Variants in GATAD2B observed in about 807,000 individuals in gnomAD.
GATAD2B encodes transcriptional repressor p66-beta.
A neutral mutation model predicts 64.3 loss-of-function variants in GATAD2B; 8 were observed. The observed-to-expected ratio is 0.12, with a 90% CI of 0.07 to 0.22. GATAD2B has a LOEUF of 0.22. GATAD2B is among the 10% of genes least tolerant of loss of function. The pLI is 1.00. For missense variants in GATAD2B, 453 were observed against 752.0 expected (o/e 0.60, Z 4.65); for synonymous variants, 281 against 271.3 (o/e 1.04, Z -0.35).
chr1:153,880,299 T>C (rs1472908442), intron 1 of GATAD2B, among the ~76,000 whole-genome samples: 1 of 150,324 alleles, frequency 6.7e-6, no homozygotes, highest in African/African-American at 2.4e-5. Context: ...CTGTCTCTAC[T>C]AAAAAAAAAT....
In GATAD2B at chr1:153,808,185, A is replaced by G. The variant is rs1474172986; in HGVS notation, c.*1992T>C. ...AAAATACTCAAAAAACCCAATCACT[A>G]CCTGTTACTAGCATCTAGCTTCCAG... is the stretch of plus-strand genomic sequence containing the variant. On this transcript the variant is annotated 3_prime_UTR_variant, in exon 11 of 11. Coordinates refer to ENST00000368655, the MANE Select transcript of GATAD2B (RefSeq NM_020699.4). 2.0e-5 allele frequency: 3 copies of G among 152,482 alleles called. No individual in the cohort carries two copies. Among genetic ancestry groups the G allele is most frequent in the Non-Finnish European group, 4.4e-5 (3 of 68,004 alleles). The allele number at this position is 152,482 out of a possible 1,614,324, so 9.4% of individuals were successfully genotyped here.
chr1:153,866,008 C>T (rs534318588), intron 1 of GATAD2B, among the ~76,000 whole-genome samples: 173 of 152,166 alleles, frequency 1.1e-3, no homozygotes, highest in African/African-American at 3.9e-3. Flanking sequence ...AGTTCAAGAC[C>T]AGCCTGGCCA....
chr1:153,864,446 G>C (rs1676411855), intron 1 of GATAD2B, among the ~76,000 whole-genome samples: 1 of 152,136 alleles, frequency 6.6e-6, no homozygotes, highest in South Asian at 2.1e-4. Flanking sequence ...GGGAGACCTT[G>C]TCTCTACAAA....
chr1:153,869,184 T>G (rs1170061040), intron 1 of GATAD2B, among the ~76,000 whole-genome samples: 2 of 151,354 alleles, frequency 1.3e-5, no homozygotes, highest in Non-Finnish European at 2.9e-5. Context: ...CCCAGCTACT[T>G]GAGAGGCTGA....
intron 1 of GATAD2B, among the ~76,000 whole-genome samples, chr1:153,856,666 T>C (rs1224407417): frequency 6.6e-6 from 1 of 152,058 alleles, no homozygotes; most frequent in Non-Finnish European, 1.5e-5. Flanking sequence ...TCCCAGCACT[T>C]TGGGAAACTG....
rs1039024036 is a variant in GATAD2B, at chr1:153,852,812, C to CT, written c.-1-24465dup. ...TTCTGAACCATATCATATCCTTCAACTTTTTTTGCTTCTTTTTCTAGTTCT... is the reference window on the plus strand; with the variant it reads ...TTCTGAACCATATCATATCCTTCAACTTTTTTTTGCTTCTTTTTCTAGTTCT... On this transcript the variant is annotated intron_variant, in intron 1 of 10. Coordinates refer to ENST00000368655, the MANE Select transcript of GATAD2B (RefSeq NM_020699.4). 51 of 894,326 alleles carry CT rather than the reference C, an allele frequency of 5.7e-5. 1 individual carries two copies. The Middle Eastern group carries it at 6.8e-4, about 12-fold the overall frequency. The allele number at this position is 894,326 out of a possible 1,614,324, so 55.4% of individuals were successfully genotyped here. A position where few individuals can be genotyped will look rare whatever the true frequency, so the allele number is the denominator to read the frequency against.
chr1:153,856,522 AT>A (rs1176676713), intron 1 of GATAD2B, among the ~76,000 whole-genome samples: 4 of 152,226 alleles, frequency 2.6e-5, no homozygotes, highest in African/African-American at 9.6e-5. Flanking sequence ...ATATGCTTAA[AT>A]ATTTTCAATT....
rs1027925567 is a variant in GATAD2B, at chr1:153,811,902, G to A, written c.1531-54C>T. ...ACTTTGATATGATAGAATGTTAAGC[G>A]GGGGCAAAGATAAGGGAGTACAGAA... On this transcript the variant is annotated intron_variant, in intron 9 of 10. Transcript: ENST00000368655. 2.1e-5 allele frequency: 29 copies of A among 1,355,456 alleles called. No homozygotes were observed. In the Middle Eastern group the frequency reaches 6.4e-4, roughly 30 times the overall value. The allele number at this position is 1,355,456 out of a possible 1,614,324, so 84.0% of individuals were successfully genotyped here.
intron 1 of GATAD2B, among the ~76,000 whole-genome samples, chr1:153,846,811 G>A (rs1026409223): frequency 2.6e-5 from 4 of 151,164 alleles, no homozygotes; most frequent in Admixed American, 6.6e-5. Flanking sequence ...CACCTGCTGC[G>A]GCCTCCCCAA....
chr1:153,844,351 A>G (rs1352660983), intron 1 of GATAD2B, among the ~76,000 whole-genome samples: 1 of 151,628 alleles, frequency 6.6e-6, no homozygotes, highest in Non-Finnish European at 1.5e-5. Flanking sequence ...GGAAAGTCCT[A>G]CCTTAGCACT....
At chr1:153,899,916 ATATACT>A (rs1284598876) in intron 1 of GATAD2B, among the ~76,000 whole-genome samples, 1 of 152,170 alleles carries the variant, frequency 6.6e-6, no homozygotes, top group Non-Finnish European at 1.5e-5. Context: ...TTACCTACAA[ATATACT>A]TAAATGTGTA....
At chr1:153,871,008 C>A (rs930319026) in intron 1 of GATAD2B, among the ~76,000 whole-genome samples, 3 of 151,678 alleles carry the variant, frequency 2.0e-5, no homozygotes, top group Non-Finnish European at 4.4e-5. Flanking sequence ...TGCCTCCCCT[C>A]TTGCCTCAGC....
intron 1 of GATAD2B, among the ~76,000 whole-genome samples, chr1:153,880,914 C>T (rs1676989478): frequency 6.6e-6 from 1 of 152,084 alleles, no homozygotes; most frequent in African/African-American, 2.4e-5. Context: ...ATAACACTTG[C>T]ACACAGAAGC....
Position 153,818,144 on chromosome 1 carries a change from T to C in GATAD2B, c.625A>G (p.Ile209Val), listed in dbSNP as rs563781893. 16 of 1,612,352 alleles carry C rather than the reference T, an allele frequency of 9.9e-6. No individual in the cohort carries two copies. In the Admixed American group the frequency reaches 1.3e-4, roughly 14 times the overall value. ...KTPVVQNAAS[I>V]VQPSPAHVGQ... ...ACATGGGCAGGAGATGGCTGAACAA[T>C]AGATGCTGCATTCTGTACAACTGGA... The change falls in exon 5 of 11, where the codon ATT becomes GTT. Residue 209 changes from isoleucine (I) to valine (V), a missense_variant. Physicochemically the swap from Ile to Val is conservative, Grantham distance 29. This residue lies in a region of GATAD2B where 293 missense variants were observed against 417.2 expected (regional missense o/e 0.70). Coordinates refer to ENST00000368655, the MANE Select transcript of GATAD2B (RefSeq NM_020699.4).
chr1:153,860,058 G>A (rs1049693126), intron 1 of GATAD2B, among the ~76,000 whole-genome samples: 2 of 151,786 alleles, frequency 1.3e-5, no homozygotes, highest in South Asian at 2.1e-4. Flanking sequence ...TGGGATTACA[G>A]GTGTGGCCAC....
At chr1:153,843,008 A>T (rs1304107106) in intron 1 of GATAD2B, among the ~76,000 whole-genome samples, 1 of 145,324 alleles carries the variant, frequency 6.9e-6, no homozygotes, top group Non-Finnish European at 1.5e-5. Context: ...GCTGGAGTGC[A>T]GTGGACCATG....
At chr1:153,892,916 A>T (rs1443653927) in intron 1 of GATAD2B, among the ~76,000 whole-genome samples, 29 of 152,140 alleles carry the variant, frequency 1.9e-4, no homozygotes, top group African/African-American at 6.3e-4. Flanking sequence ...GCTGATCTTG[A>T]ACTCCTGACC....
chr1:153,862,223 A>G (rs1345208599), intron 1 of GATAD2B, among the ~76,000 whole-genome samples: 1 of 149,170 alleles, frequency 6.7e-6, no homozygotes, highest in Non-Finnish European at 1.5e-5. Context: ...CCCAGGTTCA[A>G]GCAATTCTCC....
chr1:153,834,653 T>C (rs903894996), intron 1 of GATAD2B, among the ~76,000 whole-genome samples: 7 of 151,004 alleles, frequency 4.6e-5, no homozygotes, highest in Non-Finnish European at 7.4e-5. Context: ...GCTTCCCAAA[T>C]TGCTGGGATT....
Sources: allele counts gnomAD v4.1 joint callset (sites outside exome capture counted in the v4.1 genomes callset), GRCh38; gene constraint gnomAD v4.1.1; regional missense constraint gnomAD v4.1.1; transcripts MANE v1.5; gene names NCBI Gene and HGNC (gene_info 2026-07-23, HGNC 2026-07-21).